IMMP2L: variants seen among roughly 807,000 people sequenced by gnomAD.
IMMP2L encodes mitochondrial inner membrane protease subunit 2.
IMMP2L carries 18 observed loss-of-function variants against 19.3 expected under a neutral mutation model. The observed-to-expected ratio is 0.93, with a 90% CI of 0.64 to 1.38. IMMP2L has a LOEUF of 1.38. Ranked by LOEUF, IMMP2L falls within the 40% of genes most tolerant of loss-of-function variation. The probability of loss-of-function intolerance (pLI) is 0.00; values close to 1 mark genes in which losing one functional copy is unlikely to be tolerated. For missense variants in IMMP2L, 233 were observed against 218.2 expected (o/e 1.07, Z -0.43); for synonymous variants, 76 against 73.0 (o/e 1.04, Z -0.21).
intron 5 of IMMP2L, among the ~76,000 whole-genome samples, chr7:110,733,053 T>C (rs528777002): frequency 3.3e-5 from 5 of 152,288 alleles, no homozygotes; most frequent in African/African-American, 1.2e-4. Flanking sequence ...CGTGCTAAGA[T>C]TACAGGTGTG....
intron 3 of IMMP2L, among the ~76,000 whole-genome samples, chr7:111,157,444 G>A (rs1159074999): frequency 2.6e-5 from 4 of 151,966 alleles, no homozygotes; most frequent in Non-Finnish European, 2.9e-5. Flanking sequence ...TGGTTCTGGA[G>A]GTCATTATGT....
intron 4 of IMMP2L, among the ~76,000 whole-genome samples, chr7:110,893,068 A>G (rs927154677): frequency 6.6e-6 from 1 of 152,210 alleles, no homozygotes. Context: ...AAATAAAGCA[A>G]TATTGCAACA....
At chr7:111,536,039 A>G (rs999878828) in intron 1 of IMMP2L, among the ~76,000 whole-genome samples, 1 of 152,144 alleles carries the variant, frequency 6.6e-6, no homozygotes, top group African/African-American at 2.4e-5. Context: ...CATCAAAAGG[A>G]GACGGGAGCT....
At chr7:110,865,546 C>A (rs747835312) in intron 5 of IMMP2L, among the ~76,000 whole-genome samples, 23 of 151,986 alleles carry the variant, frequency 1.5e-4, no homozygotes, top group Non-Finnish European at 2.9e-4. Context: ...CTGGAAGAAT[C>A]TTAGTAACAG....
At chr7:111,034,098 AAAATTAATGAATTTCACTG>A (rs1290531289) in intron 3 of IMMP2L, among the ~76,000 whole-genome samples, 17 of 152,188 alleles carry the variant, frequency 1.1e-4, no homozygotes, top group Non-Finnish European at 2.2e-4. Flanking sequence ...ATGTACACAT[AAAATTAATGAATTTCACTG>A]TAGGTAAATT....
At chr7:111,458,822 G>A (rs1375154132) in intron 3 of IMMP2L, among the ~76,000 whole-genome samples, 1 of 152,100 alleles carries the variant, frequency 6.6e-6, no homozygotes, top group Non-Finnish European at 1.5e-5. Context: ...CTCTGATTCT[G>A]TATTTCCAGT....
At chr7:111,364,735 C>A (rs1333869257) in intron 3 of IMMP2L, among the ~76,000 whole-genome samples, 3 of 151,864 alleles carry the variant, frequency 2.0e-5, no homozygotes, top group African/African-American at 7.3e-5. Context: ...CTTTGGGACG[C>A]CAAGGCAGGC....
intron 3 of IMMP2L, among the ~76,000 whole-genome samples, chr7:111,256,665 C>A (rs1462368579): frequency 6.6e-6 from 1 of 151,914 alleles, no homozygotes; most frequent in African/African-American, 2.4e-5. Flanking sequence ...TCTTTTAAAT[C>A]GAGTAAAAGG....
chr7:111,066,496 A>T (rs1794514166), intron 3 of IMMP2L, among the ~76,000 whole-genome samples: 1 of 152,238 alleles, frequency 6.6e-6, no homozygotes, highest in Admixed American at 6.5e-5. Flanking sequence ...AAATTGCTTC[A>T]GAAGATAACG....
At chr7:110,892,441 T>G (rs1036890331) in intron 4 of IMMP2L, among the ~76,000 whole-genome samples, 2 of 152,126 alleles carry the variant, frequency 1.3e-5, no homozygotes, top group Admixed American at 1.3e-4. Context: ...TGGTCTGTAC[T>G]CCGCTGCATG....
At chr7:111,097,259 G>A (rs1253076889) in intron 3 of IMMP2L, 3 of 151,940 alleles carry the variant, frequency 2.0e-5, no homozygotes, top group African/African-American at 7.2e-5. Context: ...AGGAACAGCA[G>A]AATGTGTTCT....
intron 5 of IMMP2L, among the ~76,000 whole-genome samples, chr7:110,871,594 A>G (rs1226730503): frequency 6.6e-6 from 1 of 152,166 alleles, no homozygotes; most frequent in Non-Finnish European, 1.5e-5. Context: ...TGATGCTGAC[A>G]AAGAACCAAA....
chr7:111,030,868 A>G (rs1420063563), intron 3 of IMMP2L, among the ~76,000 whole-genome samples: 93 of 47,340 alleles, frequency 2.0e-3, no homozygotes, highest in South Asian at 4.1e-3. Flanking sequence ...ATGTGTGTGT[A>G]TGTGTGTGTG....
chr7:110,852,633 T>C (rs984932118), intron 5 of IMMP2L, among the ~76,000 whole-genome samples: 1 of 152,050 alleles, frequency 6.6e-6, no homozygotes, highest in African/African-American at 2.4e-5. Flanking sequence ...CTGGACTGTC[T>C]CCAGGAAGGG....
intron 3 of IMMP2L, among the ~76,000 whole-genome samples, chr7:111,194,892 GT>G (rs1473664004): frequency 3.3e-5 from 5 of 151,832 alleles, no homozygotes; most frequent in Non-Finnish European, 7.4e-5. Context: ...TAAATTTCCA[GT>G]TTTTTTGCAA....
intron 2 of IMMP2L, chr7:111,492,402 T>A (rs1843187333): frequency 3.0e-6 from 3 of 984,214 alleles, no homozygotes. Flanking sequence ...TCTAACCCGC[T>A]CTTTGGATGC....
At chr7:110,842,598 A>G (rs899705593) in intron 5 of IMMP2L, among the ~76,000 whole-genome samples, 1 of 152,092 alleles carries the variant, frequency 6.6e-6, no homozygotes, top group Non-Finnish European at 1.5e-5. Flanking sequence ...GAAGGAGGGG[A>G]GATTGTGAGA....
At chr7:110,959,459 T>C (rs948867752) in intron 4 of IMMP2L, among the ~76,000 whole-genome samples, 2 of 151,938 alleles carry the variant, frequency 1.3e-5, no homozygotes, top group Admixed American at 6.6e-5. Context: ...GTAAATAATA[T>C]TCTATTCCCT....
At chr7:111,470,600 A>G (rs1259956012) in intron 3 of IMMP2L, among the ~76,000 whole-genome samples, 1 of 151,636 alleles carries the variant, frequency 6.6e-6, no homozygotes, top group African/African-American at 2.4e-5. Flanking sequence ...GGAAATCATC[A>G]TTCTCAGTAA....
Sources: gnomAD v4.1 joint callset for allele counts (sites outside exome capture counted in the v4.1 genomes callset) on GRCh38, gnomAD v4.1.1 for gene constraint, MANE v1.5 for transcripts, NCBI Gene and HGNC (gene_info 2026-07-23, HGNC 2026-07-21) for gene names.